Variants in SEPHS1 observed in about 807,000 individuals in gnomAD.
SEPHS1 encodes zincore component SEPHS1.
In SEPHS1, 7 loss-of-function variants were observed where a neutral mutation model predicts 39.2. The observed-to-expected ratio is 0.18, with a 90% CI of 0.10 to 0.34. SEPHS1 has a LOEUF of 0.34. Among genes scored for constraint, SEPHS1 ranks in the 10% least tolerant of loss-of-function variants. The pLI is 1.00. For synonymous variants in SEPHS1, 190 were observed against 195.5 expected, an observed-to-expected ratio of 0.97 and a Z score of 0.23; for missense variants, 253 against 514.5, an observed-to-expected ratio of 0.49 and a Z score of 4.92.
At chr10:13,337,117 C>CGA (rs1833659758) in intron 3 of SEPHS1, among the ~76,000 whole-genome samples, 3 of 151,928 alleles carry the variant, frequency 2.0e-5, no homozygotes, top group Non-Finnish European at 4.4e-5. Context: ...TGCCACTGCA[C>CGA]TCTAGCCTGG....
chr10:13,326,348 C>T (rs1833290342), intron 7 of SEPHS1, among the ~76,000 whole-genome samples: 2 of 152,098 alleles, frequency 1.3e-5, no homozygotes, highest in African/African-American at 4.8e-5. Context: ...GTGGCGGGCG[C>T]CTATAATCCC....
chr10:13,347,449 G>A (rs1412623584), intron 1 of SEPHS1: 1 of 149,754 alleles, frequency 6.7e-6, no homozygotes, highest in African/African-American at 2.4e-5. Flanking sequence ...CGGCGGGGCG[G>A]AGGCGGCAGC....
At chr10:13,346,927 C>T (rs1833939002) in intron 1 of SEPHS1, among the ~76,000 whole-genome samples, 1 of 151,900 alleles carries the variant, frequency 6.6e-6, no homozygotes, top group South Asian at 2.1e-4. Flanking sequence ...TTTAAAATTC[C>T]AAATGGTACT....
At position 13,345,031 on chromosome 10, in the gene SEPHS1, G is replaced by T; in HGVS notation, c.-78-3C>A. 1 of 1,242,880 alleles carries T rather than the reference G, an allele frequency of 8.0e-7. No individual in the cohort carries two copies. Among genetic ancestry groups the T allele is most frequent in the South Asian group, 2.4e-5 (1 of 42,522 alleles). The allele number at this position is 1,242,880 out of a possible 1,614,324, so 77.0% of individuals were successfully genotyped here. ...GGCTGGGTTCTTTATGGATCCACCT[G>T]GGTGTCACCAAAACACAAAGATGCC... On this transcript the variant is annotated splice_polypyrimidine_tract_variant and splice_region_variant and intron_variant, in intron 1 of 8. Transcript: ENST00000327347.
intron 8 of SEPHS1, among the ~76,000 whole-genome samples, chr10:13,321,055 G>A (rs1344181422): frequency 6.6e-6 from 1 of 151,944 alleles, no homozygotes; most frequent in Non-Finnish European, 1.5e-5. Flanking sequence ...AAGGCGGTGA[G>A]AGGCCTGGCA....
chr10:13,324,212 G>C (rs1833194411), intron 7 of SEPHS1, among the ~76,000 whole-genome samples: 2 of 152,034 alleles, frequency 1.3e-5, no homozygotes, highest in African/African-American at 4.8e-5. Context: ...CTTTCACTTA[G>C]TAATATGCAC....
At position 13,319,190 on chromosome 10, in the gene SEPHS1, T is replaced by G. The variant is rs373713067; in HGVS notation, c.1131A>C (p.Pro377=). The G allele has an allele frequency of 1.9e-6, 3 of 1,613,710 alleles. No individual in the cohort carries two copies. In the African/African-American group the frequency reaches 4.0e-5, roughly 22 times the overall value. ...GATTCACATTTTGAGTGGCCACTTG[T>G]GGTGCGACCTCGATGATCCGGGGTT... is the stretch of plus-strand genomic sequence containing the variant. ...IDKPRIIEVA[P]QVATQNVNPT... The change falls in exon 9 of 9, where the codon CCA becomes CCC. Residue 377 remains proline (P), a synonymous_variant. Coordinates refer to ENST00000327347, the MANE Select transcript of SEPHS1 (RefSeq NM_012247.5).
At chr10:13,326,458 A>G (rs1372527612) in intron 7 of SEPHS1, among the ~76,000 whole-genome samples, 1 of 144,770 alleles carries the variant, frequency 6.9e-6, no homozygotes, top group Non-Finnish European at 1.5e-5. Flanking sequence ...TGGGCGAAAG[A>G]GCAAAACTCC....
At chr10:13,329,616 C>G (rs1032783449) in intron 6 of SEPHS1, 82 bp downstream of exon 6, 5 of 1,048,126 alleles carry the variant, frequency 4.8e-6, no homozygotes, top group Non-Finnish European at 5.7e-6. Context: ...AACTAAAAAA[C>G]CTCATTTCCC....
chr10:13,318,436 C>T lies in SEPHS1; in HGVS notation c.*706G>A, dbSNP rs1429638044. ...CACTATAGAACATCTAATAACATTG[C>T]AAAAAGTATCCTTTTTTGCTATCGA... On this transcript the variant is annotated 3_prime_UTR_variant, in exon 9 of 9. Transcript: ENST00000327347. 6.6e-6 allele frequency: 1 copy of T among 152,530 alleles called. No individual in the cohort carries two copies. The highest frequency in any genetic ancestry group is 1.5e-5 in the Non-Finnish European group (1 of 68,028). 9.4% of individuals were successfully genotyped at this position (152,530 alleles called of 1,614,324 possible).
chr10:13,322,737 A>G (rs931298215), intron 8 of SEPHS1, 98 bp downstream of exon 8: 6 of 1,154,858 alleles, frequency 5.2e-6, no homozygotes, highest in Non-Finnish European at 7.4e-6. Context: ...TGGAACTCGA[A>G]CAGAGTGGGG....
intron 4 of SEPHS1, among the ~76,000 whole-genome samples, 193 bp downstream of exon 4, chr10:13,336,050 T>C (rs1215383484): frequency 1.3e-5 from 2 of 150,060 alleles, no homozygotes; most frequent in African/African-American, 2.5e-5. Flanking sequence ...GTGGCAGAAG[T>C]GCAGAGATGA....
rs776217380 is a variant in SEPHS1 at position 13,338,719 on chromosome 10, C to T, written c.283G>A (p.Asp95Asn). ...CTCACGCTTACCATCATGTAAGGGT[C>T]GTCTACGATCGGGTAAATGTAATCT... Reference protein sequence around the residue: ...TTDYIYPIVDDPYMMGRIACA... With the variant: ...TTDYIYPIVDNPYMMGRIACA... Residue 95 changes from aspartate (D) to asparagine (N), a missense_variant, in exon 3 of 9, where the codon GAC becomes AAC. This residue lies in a region of SEPHS1 where 123 missense variants were observed against 196.8 expected (regional missense o/e 0.62). Coordinates refer to ENST00000327347, the MANE Select transcript of SEPHS1 (RefSeq NM_012247.5). The T allele has an allele frequency of 8.7e-6, 14 of 1,613,598 alleles. No individual in the cohort carries two copies. Among genetic ancestry groups the T allele is most frequent in the South Asian group, 7.7e-5 (7 of 91,072 alleles).
At chr10:13,344,644 T>C (rs1390639571) in intron 2 of SEPHS1, 114 bp downstream of exon 2, 9 of 772,860 alleles carry the variant, frequency 1.2e-5, no homozygotes, top group Middle Eastern at 3.1e-4. Context: ...CTCAAATCTA[T>C]AAAAGCAAAA....
At chr10:13,345,903 A>C (rs1588552049) in intron 1 of SEPHS1, among the ~76,000 whole-genome samples, 1 of 152,214 alleles carries the variant, frequency 6.6e-6, no homozygotes, top group South Asian at 2.1e-4. Context: ...TACACAATGC[A>C]ATCCAAAACT....
Position 13,333,912 on chromosome 10 carries a change from T to C in SEPHS1, c.465A>G (p.Ala155=), listed in dbSNP as rs754239185. ...TTTGGCCGCCTGTTACAGATGTTCCTGCTTCCTCAGCTGCGTCTTTAAAAC... is the reference window on the plus strand; with the variant it reads ...TTTGGCCGCCTGTTACAGATGTTCCCGCTTCCTCAGCTGCGTCTTTAAAAC... ...IQGFKDAAEE[A]GTSVTGGQTV... is the part of the protein sequence containing the mutation. The change falls in exon 5 of 9, where the codon GCA becomes GCG. Residue 155 remains alanine (A), a synonymous_variant. Transcript: ENST00000327347. The C allele has an allele frequency of 9.3e-6, 15 of 1,614,046 alleles. No individual in the cohort carries two copies. The South Asian group carries it at 1.6e-4, about 18-fold the overall frequency.
At chr10:13,336,988 TA>T (rs752615029) in intron 3 of SEPHS1, among the ~76,000 whole-genome samples, 1 of 152,102 alleles carries the variant, frequency 6.6e-6, no homozygotes, top group African/African-American at 2.4e-5. Flanking sequence ...CTGTTTCTAC[TA>T]AAAATATAAA....
chr10:13,327,576 G>T (rs184897649), intron 7 of SEPHS1, among the ~76,000 whole-genome samples: 29 of 152,296 alleles, frequency 1.9e-4, no homozygotes, highest in African/African-American at 7.0e-4. Context: ...AAATAAATGG[G>T]AAGAGAAGAC....
chr10:13,340,112 G>C (rs954273416), intron 2 of SEPHS1, among the ~76,000 whole-genome samples: 3 of 152,276 alleles, frequency 2.0e-5, no homozygotes, highest in African/African-American at 7.2e-5. Context: ...TTCTGCGTAA[G>C]TGAAAGGGCC....
Sources: allele counts gnomAD v4.1 joint callset (sites outside exome capture counted in the v4.1 genomes callset), GRCh38; gene constraint gnomAD v4.1.1; regional missense constraint gnomAD v4.1.1; transcripts MANE v1.5; gene names NCBI Gene and HGNC (gene_info 2026-07-23, HGNC 2026-07-21).